Variants in CA10 observed in about 807,000 individuals in gnomAD.
CA10 encodes the protein carbonic anhydrase-related protein 10.
A neutral mutation model predicts 44.2 loss-of-function variants in CA10; 14 were observed. That is an observed-to-expected ratio of 0.32 (90% CI 0.21 to 0.50). The LOEUF (loss-of-function observed/expected upper bound fraction) is 0.50. CA10 is among the 20% of genes least tolerant of loss of function. The pLI, the probability that CA10 is intolerant of heterozygous loss-of-function variation, is 0.99. For missense variants in CA10, 350 were observed against 409.7 expected (o/e 0.85, Z 1.26); for synonymous variants, 159 against 141.6 (o/e 1.12, Z -0.87).
chr17:51,904,510 A>C (rs1290295829), intron 3 of CA10, among the ~76,000 whole-genome samples: 2 of 152,142 alleles, frequency 1.3e-5, no homozygotes, highest in African/African-American at 2.4e-5. Flanking sequence ...TCCATGAAGA[A>C]GGCCCAGAGC....
rs775040777 is a variant in CA10, at chr17:52,137,447, G to A, written c.61+20279C>T. Among the ~76,000 whole-genome samples the A allele has an allele frequency of 2.6e-4, 40 of 152,132 alleles. 1 individual carries two copies. Among genetic ancestry groups the A allele is most frequent in the Admixed American group, 3.3e-4 (5 of 15,272 alleles). The stretch of plus-strand genomic sequence containing the variant: ...ATAATGCTTTTATGCATAAATTGTT[G>A]TGAAATCATCTTGACATCCTAACTC... On this transcript the variant is annotated intron_variant, in intron 1 of 8. Coordinates refer to ENST00000451037, the MANE Select transcript of CA10 (RefSeq NM_020178.5).
At chr17:51,769,474 G>A (rs368244546) in intron 3 of CA10, among the ~76,000 whole-genome samples, 130 of 152,110 alleles carry the variant, frequency 8.5e-4, no homozygotes, top group African/African-American at 2.8e-3. Flanking sequence ...GACTCACACC[G>A]TGTGTGTGTA....
chr17:52,044,818 C>T (rs978152429), intron 2 of CA10, among the ~76,000 whole-genome samples: 1 of 151,022 alleles, frequency 6.6e-6, no homozygotes, highest in African/African-American at 2.4e-5. Flanking sequence ...AGAACCTCAA[C>T]AACTTGTGAA....
At chr17:52,015,843 T>G (rs1985951594) in intron 2 of CA10, among the ~76,000 whole-genome samples, 1 of 152,128 alleles carries the variant, frequency 6.6e-6, no homozygotes, top group Non-Finnish European at 1.5e-5. Flanking sequence ...GTTGTTGGCA[T>G]AGGATCTAAT....
intron 1 of CA10, among the ~76,000 whole-genome samples, chr17:52,082,528 A>C (rs976440167): frequency 2.0e-5 from 3 of 152,176 alleles, no homozygotes; most frequent in Non-Finnish European, 4.4e-5. Flanking sequence ...TGAATACTGC[A>C]CTTAACCTTC....
chr17:51,699,299 G>A (rs1915508171), intron 4 of CA10, among the ~76,000 whole-genome samples: 1 of 151,600 alleles, frequency 6.6e-6, no homozygotes, highest in Non-Finnish European at 1.5e-5. Context: ...TGCCAGCCTG[G>A]GTGACAAGAG....
chr17:51,808,411 A>G (rs1907217276), intron 3 of CA10, among the ~76,000 whole-genome samples: 1 of 152,200 alleles, frequency 6.6e-6, no homozygotes, highest in Non-Finnish European at 1.5e-5. Flanking sequence ...TCCTTTTAGC[A>G]GTACGTATAG....
At chr17:51,642,159 G>T (rs766469049) in intron 6 of CA10, among the ~76,000 whole-genome samples, 1 of 152,206 alleles carries the variant, frequency 6.6e-6, no homozygotes. Context: ...AGCTGCTCCT[G>T]TTCTGTTCCT....
At chr17:51,849,213 ATATATACATATATGTGTGTG>A (rs1978661183) in intron 3 of CA10, among the ~76,000 whole-genome samples, 3 of 54,050 alleles carry the variant, frequency 5.6e-5, no homozygotes, top group Non-Finnish European at 9.9e-5. Context: ...ATGTATATAT[ATATATACATATATGTGTGTG>A]TATATATATA....
At chr17:51,788,963 A>G (rs968053201) in intron 3 of CA10, among the ~76,000 whole-genome samples, 3 of 152,188 alleles carry the variant, frequency 2.0e-5, no homozygotes, top group Admixed American at 6.5e-5. Flanking sequence ...CTAACATTCA[A>G]TGGCATGTAT....
chr17:51,989,153 CTTT>C (rs558333341), intron 2 of CA10, among the ~76,000 whole-genome samples: 1 of 135,118 alleles, frequency 7.4e-6, no homozygotes, highest in Non-Finnish European at 1.6e-5. Flanking sequence ...ATCTCTGTTT[CTTT>C]TTTTTTTTTT....
chr17:52,128,440 A>T (rs1187059586), intron 1 of CA10, among the ~76,000 whole-genome samples: 1 of 152,144 alleles, frequency 6.6e-6, no homozygotes, highest in Non-Finnish European at 1.5e-5. Flanking sequence ...AAGATCACTG[A>T]CTGTCCCCCT....
At chr17:51,886,487 A>T (rs576113302) in intron 3 of CA10, among the ~76,000 whole-genome samples, 1 of 152,312 alleles carries the variant, frequency 6.6e-6, no homozygotes, top group African/African-American at 2.4e-5. Flanking sequence ...TGCACTGGCA[A>T]TAAGCTCCCA....
chr17:51,808,305 T>C lies in CA10; in HGVS notation c.280-60487A>G, dbSNP rs555044629. ...AATGGGTTTAAATTAGGCAATTTAC[T>C]CAATTTGCTTGTTATTTCCTAATTA... On this transcript the variant is annotated intron_variant, in intron 3 of 8. Transcript: ENST00000451037. Among the ~76,000 whole-genome samples, 6 of 152,374 alleles carry C rather than the reference T, an allele frequency of 3.9e-5. No homozygotes were observed. In the South Asian group the frequency reaches 1.2e-3, roughly 32 times the overall value.
At chr17:51,820,621 G>A (rs1400883980) in intron 3 of CA10, among the ~76,000 whole-genome samples, 1 of 151,870 alleles carries the variant, frequency 6.6e-6, no homozygotes, top group East Asian at 1.9e-4. Flanking sequence ...ACTTTAATAG[G>A]GCAGAAAAGC....
intron 4 of CA10, among the ~76,000 whole-genome samples, chr17:51,717,479 C>T (rs1252097499): frequency 4.2e-5 from 6 of 143,888 alleles, no homozygotes; most frequent in African/African-American, 7.8e-5. Context: ...ATCGCAAAAT[C>T]GTGGAACCAA....
chr17:51,963,250 G>C (rs1018334298), intron 2 of CA10, among the ~76,000 whole-genome samples: 2 of 152,132 alleles, frequency 1.3e-5, no homozygotes, highest in African/African-American at 2.4e-5. Flanking sequence ...CAAAGTCTTT[G>C]AGAAATATGA....
intron 2 of CA10, among the ~76,000 whole-genome samples, chr17:51,991,218 T>C (rs546681377): frequency 2.0e-4 from 31 of 152,168 alleles, no homozygotes; most frequent in Non-Finnish European, 4.4e-4. Context: ...CATTAGCATT[T>C]TCCTTCAATA....
intron 2 of CA10, among the ~76,000 whole-genome samples, chr17:51,957,443 TTTG>T (rs1405622976): frequency 6.6e-6 from 1 of 152,090 alleles, no homozygotes; most frequent in Non-Finnish European, 1.5e-5. Context: ...TTTTTTTTTT[TTTG>T]TAAAGAGAGA....
Sources: allele counts gnomAD v4.1 joint callset (sites outside exome capture counted in the v4.1 genomes callset), GRCh38; gene constraint gnomAD v4.1.1; transcripts MANE v1.5; gene names NCBI Gene and HGNC (gene_info 2026-07-23, HGNC 2026-07-21).